Variants in STON2 observed in about 807,000 individuals in gnomAD.
STON2 encodes the protein stonin 2, also known as stonin-2.
Under a neutral mutation model 65.7 loss-of-function variants are expected in STON2, and 29 were observed. That is an observed-to-expected ratio of 0.44 (90% CI 0.33 to 0.60). The LOEUF is 0.60. STON2 is among the 20% of genes least tolerant of loss of function. The pLI is 0.03. For synonymous variants in STON2, 404 were observed against 414.2 expected, an observed-to-expected ratio of 0.98 and a Z score of 0.30; for missense variants, 1,054 against 1,118.1, an observed-to-expected ratio of 0.94 and a Z score of 0.82.
At chr14:81,298,417 G>T (rs1331966604) in intron 5 of STON2, among the ~76,000 whole-genome samples, 2 of 39,334 alleles carry the variant, frequency 5.1e-5, no homozygotes, top group African/African-American at 1.9e-4. Flanking sequence ...CTTCAGATGG[G>T]GGGGGGGAAT....
At chr14:81,334,053 T>C (rs1897294281) in intron 4 of STON2, among the ~76,000 whole-genome samples, 1 of 152,172 alleles carries the variant, frequency 6.6e-6, no homozygotes, top group African/African-American at 2.4e-5. Context: ...CTTGCACTAC[T>C]CTTAAGCAAA....
intron 2 of STON2, among the ~76,000 whole-genome samples, chr14:81,423,932 G>GGCT (rs1901839807): frequency 6.6e-6 from 1 of 152,188 alleles, no homozygotes; most frequent in Admixed American, 6.5e-5. Flanking sequence ...ACTGAGGCCT[G>GGCT]GCTGCTTTGG....
chr14:81,277,899 A>G lies in STON2; in HGVS notation c.1583T>C (p.Phe528Ser). 1 of 1,614,138 alleles carries G rather than the reference A, an allele frequency of 6.2e-7. No homozygotes were observed. The highest frequency in any genetic ancestry group is 8.5e-7 in the Non-Finnish European group (1 of 1,180,036). Residue 528 changes from phenylalanine to serine, a missense_variant, in exon 6 of 8, where the codon TTC (phenylalanine) becomes TCC (serine). Physicochemically the swap from Phe to Ser is radical, Grantham distance 155. Transcript: ENST00000614646. ...ACAGATCTCCAGCTTGAACTCACGGAATGGTTTTTCTAGGCCCTGCTCATA... is the reference window on the plus strand; with the variant it reads ...ACAGATCTCCAGCTTGAACTCACGGGATGGTTTTTCTAGGCCCTGCTCATA... ...LYYEQGLEKP[F>S]REFKLEICHE...
chr14:81,346,127 G>A (rs1403420130), intron 4 of STON2, among the ~76,000 whole-genome samples: 1 of 152,176 alleles, frequency 6.6e-6, no homozygotes, highest in Admixed American at 6.5e-5. Flanking sequence ...CCCAATGAAA[G>A]TTGTGAAGTC....
chr14:81,272,146 T>C (rs894728285), intron 6 of STON2, among the ~76,000 whole-genome samples: 1 of 152,120 alleles, frequency 6.6e-6, no homozygotes, highest in African/African-American at 2.4e-5. Context: ...GGTGTGAACC[T>C]GGGAGGCAGA....
chr14:81,308,002 G>A (rs1014234984), intron 5 of STON2, among the ~76,000 whole-genome samples: 1 of 151,998 alleles, frequency 6.6e-6, no homozygotes, highest in African/African-American at 2.4e-5. Flanking sequence ...GTATCTGATG[G>A]GCATGGTTGA....
At chr14:81,339,673 T>G (rs908211402) in intron 4 of STON2, among the ~76,000 whole-genome samples, 1 of 152,186 alleles carries the variant, frequency 6.6e-6, no homozygotes, top group African/African-American at 2.4e-5. Flanking sequence ...GCTAAAGTTT[T>G]AGCTTTTTCA....
intron 4 of STON2, among the ~76,000 whole-genome samples, chr14:81,340,069 G>A (rs936799186): frequency 9.2e-5 from 14 of 152,184 alleles, no homozygotes; most frequent in African/African-American, 3.1e-4. Flanking sequence ...CAGGAGAATG[G>A]CATAAACCCG....
intron 4 of STON2, among the ~76,000 whole-genome samples, chr14:81,344,510 T>C (rs1427928007): frequency 2.0e-5 from 3 of 152,234 alleles, no homozygotes; most frequent in Non-Finnish European, 4.4e-5. Context: ...CATGACTGCA[T>C]AGTATTCCAC....
chr14:81,382,120 G>A (rs1899551159), intron 3 of STON2, among the ~76,000 whole-genome samples: 1 of 152,106 alleles, frequency 6.6e-6, no homozygotes, highest in Non-Finnish European at 1.5e-5. Flanking sequence ...TCAGAAGGCT[G>A]AGGCAGGAGA....
chr14:81,272,929 G>A (rs185455146), intron 6 of STON2, among the ~76,000 whole-genome samples: 49 of 152,264 alleles, frequency 3.2e-4, no homozygotes, highest in Non-Finnish European at 5.0e-4. Context: ...TCACACAGCC[G>A]TTAAGTGGTA....
chr14:81,282,982 C>G (rs1025028443), intron 5 of STON2, among the ~76,000 whole-genome samples: 2 of 152,140 alleles, frequency 1.3e-5, no homozygotes, highest in African/African-American at 4.8e-5. Flanking sequence ...AAAATAAAAC[C>G]AAAACCCAAA....
At chr14:81,434,915 T>C (rs1830479869) in intron 1 of STON2, among the ~76,000 whole-genome samples, 1 of 152,200 alleles carries the variant, frequency 6.6e-6, no homozygotes, top group African/African-American at 2.4e-5. Context: ...TAGGTTTCTA[T>C]GAGCCACTGG....
At chr14:81,330,888 T>C (rs1897186422) in intron 4 of STON2, among the ~76,000 whole-genome samples, 4 of 152,188 alleles carry the variant, frequency 2.6e-5, no homozygotes, top group African/African-American at 7.2e-5. Flanking sequence ...GAACAAGCCA[T>C]AACAAGCTGC....
At position 81,270,744 on chromosome 14, in the gene STON2, C is replaced by T. The variant is rs1162905535; in HGVS notation, c.2710G>A (p.Val904Met). The T allele has an allele frequency of 2.5e-6, 4 of 1,614,146 alleles. No individual in the cohort carries two copies. The highest frequency in any genetic ancestry group is 1.1e-5 in the South Asian group (1 of 91,090). Residue 904 changes from valine to methionine, a missense_variant, in exon 7 of 8, where the codon GTG becomes ATG. By Grantham distance (21) the Val-to-Met change is conservative. Coordinates refer to ENST00000614646, the MANE Select transcript of STON2 (RefSeq NM_001394390.1). ...MPTTSASKASVRSISVEDKTD... is the reference protein window; with the variant it reads ...MPTTSASKASMRSISVEDKTD... ...TTGTCTTCTACAGAGATAGATCTCA[C>T]GCTGGCTTTGGAGGCAGAAGTTGTG...
In STON2 at chr14:81,267,203, T is replaced by C. The variant is rs1566877687; in HGVS notation, c.*1211A>G. The stretch of plus-strand genomic sequence containing the variant: ...AACGGATGAAGGAAAAGAAGATTAA[T>C]TGTCCCAGAAACAGATGAAGAAAAA... On this transcript the variant is annotated 3_prime_UTR_variant, in exon 8 of 8. Coordinates refer to ENST00000614646, the MANE Select transcript of STON2 (RefSeq NM_001394390.1). 2 of 985,370 alleles carry C rather than the reference T, an allele frequency of 2.0e-6. No individual in the cohort carries two copies. The highest frequency in any genetic ancestry group is 1.1e-4 in the East Asian group (1 of 8,804). 61.0% of individuals were successfully genotyped at this position (985,370 alleles called of 1,614,324 possible).
intron 5 of STON2, among the ~76,000 whole-genome samples, chr14:81,318,443 T>A (rs1227154901): frequency 6.6e-6 from 1 of 152,114 alleles, no homozygotes. Context: ...AAAATGCAAC[T>A]CCCTCTTCAT....
intron 4 of STON2, among the ~76,000 whole-genome samples, chr14:81,334,487 C>T (rs1897305189): frequency 6.6e-6 from 1 of 152,092 alleles, no homozygotes; most frequent in Non-Finnish European, 1.5e-5. Context: ...TAACAGCAAC[C>T]CCCTTTTATT....
At chr14:81,389,596 T>G (rs144158231) in intron 3 of STON2, among the ~76,000 whole-genome samples, 1 of 152,236 alleles carries the variant, frequency 6.6e-6, no homozygotes, top group Non-Finnish European at 1.5e-5. Flanking sequence ...TTGTCTAAGC[T>G]GGTCACCTAG....
Sources: allele counts gnomAD v4.1 joint callset (sites outside exome capture counted in the v4.1 genomes callset), GRCh38; gene constraint gnomAD v4.1.1; transcripts MANE v1.5; gene names NCBI Gene and HGNC (gene_info 2026-07-23, HGNC 2026-07-21).